VRK2: variants seen among roughly 807,000 people sequenced by gnomAD.
VRK2 encodes VRK serine/threonine kinase 2.
A neutral mutation model predicts 57.6 loss-of-function variants in VRK2; 60 were observed. That is an observed-to-expected ratio of 1.04 (90% CI 0.85 to 1.29). VRK2 has a LOEUF of 1.29. VRK2 is among the 50% of genes most tolerant of loss of function. VRK2 has a pLI of 0.00. For missense variants in VRK2, 705 were observed against 588.1 expected, an observed-to-expected ratio of 1.20 and a Z score of -2.06; for synonymous variants, 231 against 199.2, an observed-to-expected ratio of 1.16 and a Z score of -1.35.
chr2:58,093,241 C>T (rs375890913), intron 7 of VRK2, among the ~76,000 whole-genome samples: 15 of 152,078 alleles, frequency 9.9e-5, no homozygotes, highest in African/African-American at 1.4e-4. Context: ...ATCGCCACAC[C>T]GACTTCCACA....
intron 12 of VRK2, among the ~76,000 whole-genome samples, chr2:58,151,418 A>G (rs1287621518): frequency 1.3e-5 from 2 of 151,778 alleles, no homozygotes; most frequent in African/African-American, 4.8e-5. Flanking sequence ...TAACATTTAT[A>G]CATTGTATCC....
intron 1 of VRK2, among the ~76,000 whole-genome samples, chr2:57,949,537 T>A (rs1671361935): frequency 6.6e-6 from 1 of 152,158 alleles, no homozygotes; most frequent in Non-Finnish European, 1.5e-5. Context: ...AATTGATAAA[T>A]GTCGTGTGTG....
intron 1 of VRK2, among the ~76,000 whole-genome samples, chr2:57,923,246 G>A (rs1017202458): frequency 6.6e-6 from 1 of 152,002 alleles, no homozygotes; most frequent in African/African-American, 2.4e-5. Flanking sequence ...CTAGCTGTGA[G>A]ATTGCTGGAT....
intron 1 of VRK2, among the ~76,000 whole-genome samples, chr2:57,997,116 T>C (rs951756959): frequency 6.6e-6 from 1 of 152,112 alleles, no homozygotes; most frequent in Non-Finnish European, 1.5e-5. Flanking sequence ...AGGCATGATT[T>C]TGAGTCATTG....
At chr2:58,136,028 G>A (rs1409796766) in intron 10 of VRK2, among the ~76,000 whole-genome samples, 1 of 152,110 alleles carries the variant, frequency 6.6e-6, no homozygotes, top group African/African-American at 2.4e-5. Context: ...TATGTACACT[G>A]ACCTCTCTAG....
rs541204311 is a variant in VRK2, at chr2:58,156,011, T to C, written c.1183-3338T>C. On this transcript the variant is annotated intron_variant, in intron 12 of 12. Transcript: ENST00000340157. ...GCTGGGGTAATAGGAGGTACTAAAG[T>C]ACATGGCGGGTGGAGACTCAAGGGA... Among the ~76,000 whole-genome samples, 9 of 151,550 alleles carry C rather than the reference T, an allele frequency of 5.9e-5. No individual in the cohort carries two copies. In the East Asian group the frequency reaches 1.7e-3, roughly 29 times the overall value.
intron 1 of VRK2, among the ~76,000 whole-genome samples, chr2:57,999,165 A>C (rs1277429296): frequency 6.6e-6 from 1 of 152,192 alleles, no homozygotes; most frequent in Non-Finnish European, 1.5e-5. Flanking sequence ...CCTCCATCTT[A>C]AATCAACTTC....
At chr2:58,028,921 T>A (rs1224163609) in intron 2 of VRK2, among the ~76,000 whole-genome samples, 2 of 130,436 alleles carry the variant, frequency 1.5e-5, no homozygotes, top group Non-Finnish European at 3.3e-5. Context: ...TATATATATA[T>A]ATATATATAT....
chr2:58,090,056 C>T (rs1672151318), intron 7 of VRK2, among the ~76,000 whole-genome samples: 1 of 152,114 alleles, frequency 6.6e-6, no homozygotes, highest in South Asian at 2.1e-4. Context: ...GAGGTTAAAA[C>T]ACTGTCATAT....
intron 1 of VRK2, among the ~76,000 whole-genome samples, chr2:57,913,536 G>A (rs1013213741): frequency 1.3e-5 from 2 of 152,012 alleles, no homozygotes; most frequent in Non-Finnish European, 2.9e-5. Flanking sequence ...TGAATAAGGA[G>A]GGCAGTTTTG....
chr2:58,083,267 A>C (rs1671157546), intron 2 of VRK2, among the ~76,000 whole-genome samples: 1 of 151,844 alleles, frequency 6.6e-6, no homozygotes, highest in African/African-American at 2.4e-5. Context: ...ATGGATGGAG[A>C]GTGAACAAAT....
At chr2:57,950,234 C>A (rs779553021) in intron 1 of VRK2, among the ~76,000 whole-genome samples, 5 of 152,192 alleles carry the variant, frequency 3.3e-5, no homozygotes, top group African/African-American at 1.2e-4. Flanking sequence ...TATTGAAAAA[C>A]GATGCCATCT....
chr2:57,982,168 C>A (rs1672441054), intron 1 of VRK2, among the ~76,000 whole-genome samples: 1 of 152,190 alleles, frequency 6.6e-6, no homozygotes. Flanking sequence ...CAGCTCAGCA[C>A]TCCTGGGCTA....
intron 1 of VRK2, among the ~76,000 whole-genome samples, chr2:57,918,583 T>C (rs751287889): frequency 3.9e-5 from 6 of 152,088 alleles, no homozygotes; most frequent in African/African-American, 7.2e-5. Flanking sequence ...CTGACCATGA[T>C]GGTAAATGAA....
intron 2 of VRK2, among the ~76,000 whole-genome samples, chr2:58,081,067 C>T (rs1397167104): frequency 6.6e-6 from 1 of 152,002 alleles, no homozygotes; most frequent in East Asian, 1.9e-4. Flanking sequence ...TTGTTGCAGT[C>T]ATATCTTAAT....
At chr2:58,013,997 A>G (rs1271232363) in intron 1 of VRK2, among the ~76,000 whole-genome samples, 1 of 152,182 alleles carries the variant, frequency 6.6e-6, no homozygotes, top group Non-Finnish European at 1.5e-5. Context: ...TAATACTTTC[A>G]TAATACTTTC....
chr2:57,992,762 T>C (rs1672808032), intron 1 of VRK2, among the ~76,000 whole-genome samples: 1 of 151,864 alleles, frequency 6.6e-6, no homozygotes, highest in Admixed American at 6.6e-5. Context: ...GGTCTCGATC[T>C]CCTGACCTCA....
intron 1 of VRK2, among the ~76,000 whole-genome samples, chr2:57,919,551 G>C (rs1670269082): frequency 6.6e-6 from 1 of 151,950 alleles, no homozygotes; most frequent in African/African-American, 2.4e-5. Context: ...AATATCATGT[G>C]TAAACAAGTA....
At chr2:57,970,398 AT>A (rs1672061140) in intron 1 of VRK2, among the ~76,000 whole-genome samples, 1 of 151,362 alleles carries the variant, frequency 6.6e-6, no homozygotes, top group Non-Finnish European at 1.5e-5. Context: ...ATGTAAAAGA[AT>A]TGTCTATTTA....
Sources: allele counts gnomAD v4.1 joint callset (sites outside exome capture counted in the v4.1 genomes callset), GRCh38; gene constraint gnomAD v4.1.1; transcripts MANE v1.5; gene names NCBI Gene and HGNC (gene_info 2026-07-23, HGNC 2026-07-21).